The following UBAC2 variants were observed in gnomAD, a reference collection of about 807,000 sequenced individuals.
The protein encoded by UBAC2 is UBA domain containing 2.
A neutral mutation model predicts 44.0 loss-of-function variants in UBAC2; 26 were observed. That is an observed-to-expected ratio of 0.59 (90% CI 0.43 to 0.82). The LOEUF (loss-of-function observed/expected upper bound fraction) is 0.82, where lower values mean the gene tolerates loss of function less well. Among genes scored for constraint, UBAC2 ranks in the 40% least tolerant of loss-of-function variants. The probability of loss-of-function intolerance (pLI) is 0.00; values close to 1 mark genes in which losing one functional copy is unlikely to be tolerated. For missense variants in UBAC2, 329 were observed against 419.4 expected, an observed-to-expected ratio of 0.78 and a Z score of 1.88; for synonymous variants, 155 against 154.3, an observed-to-expected ratio of 1.00 and a Z score of -0.04.
chr13:99,201,269 G>A (rs938753964), intron 1 of UBAC2: 1 of 1,447,380 alleles, frequency 6.9e-7, no homozygotes, highest in Non-Finnish European at 9.1e-7. Context: ...GCCCTTTGCG[G>A]AGCGTGTGCC....
At chr13:99,215,823 A>AC in intron 1 of UBAC2, 1 of 589,910 alleles carries the variant, frequency 1.7e-6, no homozygotes, top group South Asian at 3.0e-5. Context: ...GTGAGATCCC[A>AC]CCATCTACTC....
intron 7 of UBAC2, among the ~76,000 whole-genome samples, chr13:99,345,733 T>C: frequency 7.0e-6 from 1 of 143,178 alleles, no homozygotes; most frequent in South Asian, 2.2e-4. Context: ...CTGTTTCTTT[T>C]TTTCTTTCTT....
At chr13:99,203,015 T>G (rs2042823653) in intron 1 of UBAC2, among the ~76,000 whole-genome samples, 1 of 132,584 alleles carries the variant, frequency 7.5e-6, no homozygotes. Flanking sequence ...GTGATTTCCT[T>G]TGTTTTATTT....
At chr13:99,226,033 T>C (rs533787654) in intron 1 of UBAC2, among the ~76,000 whole-genome samples, 3 of 152,206 alleles carry the variant, frequency 2.0e-5, no homozygotes, top group South Asian at 2.1e-4. Context: ...TTAGTTGATA[T>C]GTTTTCATAG....
At chr13:99,334,241 G>C (rs891712802) in intron 6 of UBAC2, among the ~76,000 whole-genome samples, 1 of 152,070 alleles carries the variant, frequency 6.6e-6, no homozygotes, top group Non-Finnish European at 1.5e-5. Context: ...GATTACAGGC[G>C]TGAGCACAGA....
intron 4 of UBAC2, among the ~76,000 whole-genome samples, chr13:99,276,244 T>G (rs558003682): frequency 1.3e-5 from 2 of 152,236 alleles, no homozygotes; most frequent in South Asian, 2.1e-4. Context: ...CTACCTGGAG[T>G]TAGTATCAGA....
chr13:99,221,986 G>T (rs1340797777), intron 1 of UBAC2, among the ~76,000 whole-genome samples: 2 of 152,154 alleles, frequency 1.3e-5, no homozygotes, highest in Non-Finnish European at 2.9e-5. Flanking sequence ...TTTGTCTTCT[G>T]TATAAATCTG....
intron 1 of UBAC2, chr13:99,201,241 CTCGT>C: frequency 7.0e-7 from 1 of 1,435,404 alleles, no homozygotes; most frequent in Non-Finnish European, 9.1e-7. Context: ...CCCTGGTGTT[CTCGT>C]GGGCCGGCCC....
At chr13:99,268,922 CTG>C (rs1360019651) in intron 4 of UBAC2, among the ~76,000 whole-genome samples, 4 of 152,232 alleles carry the variant, frequency 2.6e-5, no homozygotes, top group Admixed American at 1.3e-4. Flanking sequence ...AGAGAAGAAA[CTG>C]GGGCAGAACT....
intron 8 of UBAC2, among the ~76,000 whole-genome samples, chr13:99,380,092 A>G (rs912131): frequency 0.57 from 86,266 of 151,986 alleles, 26,167 homozygotes; most frequent in Non-Finnish European, 0.7. Flanking sequence ...AATAAACTAC[A>G]TGTTGTGGCC....
chr13:99,370,799 C>G (rs896171156), intron 8 of UBAC2, among the ~76,000 whole-genome samples: 16 of 152,216 alleles, frequency 1.1e-4, no homozygotes, highest in Admixed American at 6.5e-5. Context: ...AGCAGCTCTT[C>G]AGGATTAACA....
At chr13:99,363,227 C>A (rs1449811871) in intron 7 of UBAC2, among the ~76,000 whole-genome samples, 1 of 152,160 alleles carries the variant, frequency 6.6e-6, no homozygotes, top group African/African-American at 2.4e-5. Context: ...TACCACATGA[C>A]TTTAATTACT....
Position 99,370,144 on chromosome 13 carries a change from G to T in UBAC2, c.927+2238G>T, listed in dbSNP as rs372303318. Among the ~76,000 whole-genome samples the T allele has an allele frequency of 3.3e-5, 5 of 152,298 alleles. No homozygotes were observed. The East Asian group carries it at 5.8e-4, about 18-fold the overall frequency. The stretch of plus-strand genomic sequence containing the variant: ...CAGGACTTGGTACATACCGACCGTG[G>T]TTAGGAAAGAGAATATTCTTGTTCT... On this transcript the variant is annotated intron_variant, in intron 8 of 8. Coordinates refer to ENST00000403766, the MANE Select transcript of UBAC2 (RefSeq NM_001144072.2).
At chr13:99,204,358 G>T (rs898797252) in intron 1 of UBAC2, among the ~76,000 whole-genome samples, 1 of 152,130 alleles carries the variant, frequency 6.6e-6, no homozygotes, top group Non-Finnish European at 1.5e-5. Flanking sequence ...TGTGGAGAAG[G>T]CCTCTGGGAG....
chr13:99,232,450 GA>G (rs201108037), intron 1 of UBAC2, among the ~76,000 whole-genome samples: 85 of 110,902 alleles, frequency 7.7e-4, no homozygotes, highest in East Asian at 3.0e-3. Context: ...AGGACCAAAA[GA>G]AAAAAAAAAA....
chr13:99,273,970 T>A (rs1245938102), intron 4 of UBAC2, among the ~76,000 whole-genome samples: 1 of 151,986 alleles, frequency 6.6e-6, no homozygotes, highest in Non-Finnish European at 1.5e-5. Context: ...TTAAAATAAA[T>A]TTTTATTGAG....
intron 4 of UBAC2, among the ~76,000 whole-genome samples, chr13:99,274,365 T>C (rs1413951182): frequency 1.3e-5 from 2 of 152,116 alleles, no homozygotes; most frequent in Non-Finnish European, 2.9e-5. Flanking sequence ...AGGGTCTTGC[T>C]CTGTTGCCCA....
chr13:99,235,881 T>G (rs542664412), intron 1 of UBAC2, among the ~76,000 whole-genome samples: 1 of 151,992 alleles, frequency 6.6e-6, no homozygotes, highest in South Asian at 2.1e-4. Flanking sequence ...GGTGGGAGGA[T>G]CACTTGAGCC....
chr13:99,285,676 G>A (rs2044009977), intron 4 of UBAC2, among the ~76,000 whole-genome samples: 1 of 152,154 alleles, frequency 6.6e-6, no homozygotes. Context: ...ATAGGCATGA[G>A]CCACCATGCC....
Sources: gnomAD v4.1 joint callset for allele counts (sites outside exome capture counted in the v4.1 genomes callset) on GRCh38, gnomAD v4.1.1 for gene constraint, MANE v1.5 for transcripts, NCBI Gene and HGNC (gene_info 2026-07-23, HGNC 2026-07-21) for gene names.